ADCY10: variants seen among roughly 807,000 people sequenced by gnomAD.
ADCY10 encodes adenylate cyclase 10.
In ADCY10, 156 loss-of-function variants were observed where a neutral mutation model predicts 183.3. That is an observed-to-expected ratio of 0.85 (90% CI 0.75 to 0.97). ADCY10 has a LOEUF of 0.97. ADCY10 is among the 50% of genes least tolerant of loss of function. The pLI is 0.00. For synonymous variants in ADCY10, 645 were observed against 670.0 expected, an observed-to-expected ratio of 0.96 and a Z score of 0.58; for missense variants, 1,745 against 1,934.3, an observed-to-expected ratio of 0.90 and a Z score of 1.84.
At chr1:167,905,669 T>C (rs61807006) in intron 1 of ADCY10, among the ~76,000 whole-genome samples, 16,029 of 152,040 alleles carry the variant, frequency 0.11, 1,071 homozygotes, top group South Asian at 0.21. Flanking sequence ...TATTAGAGTT[T>C]TGTATATAGG....
At chr1:167,850,590 T>C (rs965367978) in intron 18 of ADCY10, among the ~76,000 whole-genome samples, 3 of 150,766 alleles carry the variant, frequency 2.0e-5, no homozygotes, top group Admixed American at 2.0e-4. Flanking sequence ...ATCTGAGGAC[T>C]GGTCAGAGAG....
At chr1:167,849,191 T>G (rs918755692) in intron 18 of ADCY10, among the ~76,000 whole-genome samples, 2 of 152,190 alleles carry the variant, frequency 1.3e-5, no homozygotes, top group African/African-American at 4.8e-5. Flanking sequence ...TATTTGTATG[T>G]ATACATTTAC....
Position 167,829,427 on chromosome 1 carries a change from T to C in ADCY10, c.3594-4A>G, listed in dbSNP as rs773899391. On this transcript the variant is annotated splice_polypyrimidine_tract_variant and splice_region_variant and intron_variant, in intron 25 of 32. Coordinates refer to ENST00000367851, the MANE Select transcript of ADCY10 (RefSeq NM_018417.6). ...AAGTTGTGCCAGCCTCTTCTTCCTA[T>C]TGGATAAGGTAAACACAAATGGAAC... is the stretch of plus-strand genomic sequence containing the variant. The C allele has an allele frequency of 3.1e-6, 5 of 1,614,056 alleles. No homozygotes were observed. In the Admixed American group the frequency reaches 5.0e-5, roughly 16 times the overall value.
chr1:167,837,143 A>C (rs1372937479), intron 22 of ADCY10, 106 bp downstream of exon 22: 2 of 1,029,674 alleles, frequency 1.9e-6, no homozygotes, highest in East Asian at 2.4e-5. Context: ...TCCCACTTGC[A>C]TCTAAGAGGT....
chr1:167,883,297 C>T, intron 9 of ADCY10, 140 bp downstream of exon 9: 1 of 915,138 alleles, frequency 1.1e-6, no homozygotes, highest in Non-Finnish European at 1.8e-6. Context: ...CTCTGCCTCC[C>T]AAAGAGCTGG....
At chr1:167,849,487 GGC>G (rs1377110016) in intron 18 of ADCY10, among the ~76,000 whole-genome samples, 1 of 152,198 alleles carries the variant, frequency 6.6e-6, no homozygotes, top group Non-Finnish European at 1.5e-5. Flanking sequence ...TGGACTGCCA[GGC>G]AGTAGATGAG....
At chr1:167,831,339 G>A (rs1016023060) in intron 25 of ADCY10, among the ~76,000 whole-genome samples, 4 of 152,022 alleles carry the variant, frequency 2.6e-5, no homozygotes, top group Non-Finnish European at 4.4e-5. Flanking sequence ...ACAGGTGCAC[G>A]CCACCACGCC....
At chr1:167,812,090 C>G (rs1662250002) in intron 31 of ADCY10, among the ~76,000 whole-genome samples, 1 of 152,190 alleles carries the variant, frequency 6.6e-6, no homozygotes, top group African/African-American at 2.4e-5. Context: ...AACCTGCGTA[C>G]AACTTGTGGG....
chr1:167,896,638 C>G lies in ADCY10; in HGVS notation c.696G>C (p.Lys232Asn). The G allele has an allele frequency of 6.2e-7, 1 of 1,613,778 alleles. No homozygotes were observed. Among genetic ancestry groups the G allele is most frequent in the South Asian group, 1.1e-5 (1 of 91,086 alleles). ...GATAATAATGCATGAAGGTCGTACA[C>G]TTTGTGAAAAATTCATCAAAATTAA... The part of the protein sequence containing the change: ...PNFNFDEFFT[K>N]CTTFMHYYPS... The change falls in exon 7 of 33, where the codon AAG becomes AAC. Residue 232 changes from lysine (K) to asparagine (N), a missense_variant. Physicochemically the swap from Lys to Asn is moderately conservative, Grantham distance 94. Coordinates refer to ENST00000367851, the MANE Select transcript of ADCY10 (RefSeq NM_018417.6).
At chr1:167,870,804 T>TC in intron 13 of ADCY10, among the ~76,000 whole-genome samples, 1 of 145,010 alleles carries the variant, frequency 6.9e-6, no homozygotes, top group Admixed American at 6.8e-5. Flanking sequence ...CAAAACTCCA[T>TC]CTAAAAAAAA....
chr1:167,883,660 T>A (rs368642246), intron 8 of ADCY10, 32 bp from the exon 9 acceptor site: 3 of 1,611,016 alleles, frequency 1.9e-6, no homozygotes, highest in Non-Finnish European at 2.5e-6. Context: ...TCTGTAGGTG[T>A]CCTTGGCAGT....
At chr1:167,898,132 T>C (rs1345610294) in intron 6 of ADCY10, among the ~76,000 whole-genome samples, 1 of 150,032 alleles carries the variant, frequency 6.7e-6, no homozygotes, top group African/African-American at 2.5e-5. Context: ...AACTAGTGCA[T>C]AGTATTGTAC....
At chr1:167,857,589 T>G (rs945174692) in intron 16 of ADCY10, among the ~76,000 whole-genome samples, 1 of 152,328 alleles carries the variant, frequency 6.6e-6, no homozygotes, top group Middle Eastern at 3.4e-3. Flanking sequence ...TTTCTTCTAA[T>G]CTAAAATGAG....
At chr1:167,841,502 C>CTTTTT (rs71100905) in intron 21 of ADCY10, among the ~76,000 whole-genome samples, 4,916 of 90,554 alleles carry the variant, frequency 0.054, 350 homozygotes, top group African/African-American at 0.11. Context: ...ATATGCTTTC[C>CTTTTT]TTTTTTTTTT....
In ADCY10 at chr1:167,840,721, C is replaced by T. The variant is rs533632640; in HGVS notation, c.3008-3403G>A. Among the ~76,000 whole-genome samples the T allele has an allele frequency of 1.6e-4, 24 of 149,812 alleles. 2 individuals carry two copies. The South Asian group carries it at 4.8e-3, about 30-fold the overall frequency. On this transcript the variant is annotated intron_variant, in intron 21 of 32. Coordinates refer to ENST00000367851, the MANE Select transcript of ADCY10 (RefSeq NM_018417.6). ...AAGGAGATATTATATTAAGAGTTTC[C>T]TACTACAAGGAGAATCTGTAAAAAT...
intron 23 of ADCY10, 58 bp from the exon 24 acceptor site, chr1:167,834,135 A>G (rs1163722855): frequency 7.5e-7 from 1 of 1,326,304 alleles, no homozygotes; most frequent in African/African-American, 1.4e-5. Context: ...AGCCCACAGA[A>G]GGGCCATTGC....
chr1:167,896,951 T>C (rs1195392598), intron 6 of ADCY10, among the ~76,000 whole-genome samples: 3 of 152,226 alleles, frequency 2.0e-5, no homozygotes, highest in Non-Finnish European at 4.4e-5. Flanking sequence ...TCTTATACTT[T>C]TCTGCCCTTA....
intron 28 of ADCY10, among the ~76,000 whole-genome samples, chr1:167,824,177 C>T (rs1437652725): frequency 1.3e-5 from 2 of 152,122 alleles, no homozygotes; most frequent in African/African-American, 4.8e-5. Context: ...CAAAAATTAG[C>T]TGGGTGTGGT....
rs1666176126 is a variant in ADCY10 at position 167,859,948 on chromosome 1, T to C, written c.1810-55A>G. On this transcript the variant is annotated intron_variant, in intron 15 of 32. Coordinates refer to ENST00000367851, the MANE Select transcript of ADCY10 (RefSeq NM_018417.6). ...ATGGGAAAATAGCAAAGGGAACTAC[T>C]GGCTATGCAACTTTGGGCAAAACAC... is the stretch of plus-strand genomic sequence containing the variant. 5.3e-6 allele frequency: 7 copies of C among 1,333,042 alleles called. No homozygotes were observed. The South Asian group carries it at 8.2e-5, about 16-fold the overall frequency. The allele number at this position is 1,333,042 out of a possible 1,614,324, so 82.6% of individuals were successfully genotyped here. A position where few individuals can be genotyped will look rare whatever the true frequency, so the allele number is the denominator to read the frequency against.
Sources: gnomAD v4.1 joint callset for allele counts (sites outside exome capture counted in the v4.1 genomes callset) on GRCh38, gnomAD v4.1.1 for gene constraint, MANE v1.5 for transcripts, NCBI Gene and HGNC (gene_info 2026-07-23, HGNC 2026-07-21) for gene names.